Variants in KHDRBS2 observed in about 807,000 individuals in gnomAD.
The protein encoded by KHDRBS2 is KH RNA binding domain containing, signal transduction associated 2.
A neutral mutation model predicts 44.3 loss-of-function variants in KHDRBS2; 26 were observed. The observed-to-expected ratio is 0.59, with a 90% CI of 0.43 to 0.81. The LOEUF is 0.81. KHDRBS2 is among the 40% of genes least tolerant of loss of function. KHDRBS2 has a pLI of 0.00. For missense variants in KHDRBS2, 476 were observed against 433.1 expected (o/e 1.10, Z -0.88); for synonymous variants, 194 against 151.1 (o/e 1.28, Z -2.08).
At chr6:61,894,497 T>C in intron 6 of KHDRBS2, 138 bp downstream of exon 6, 1 of 683,972 alleles carries the variant, frequency 1.5e-6, no homozygotes, top group Non-Finnish European at 2.4e-6. Flanking sequence ...ATGCACTGCT[T>C]AAATTCTGTT....
chr6:61,605,354 G>C, the KHDRBS2 span, among the ~76,000 whole-genome samples: 1 of 152,136 alleles, frequency 6.6e-6, no homozygotes, highest in African/African-American at 2.4e-5. Context: ...CCAAGCCATA[G>C]CTTAGTACCA....
At chr6:61,908,219 G>A (rs902757009) in intron 4 of KHDRBS2, among the ~76,000 whole-genome samples, 17 of 152,080 alleles carry the variant, frequency 1.1e-4, no homozygotes, top group Admixed American at 1.1e-3. Flanking sequence ...GTTAGAGATA[G>A]ACAAATATTT....
At position 61,716,012 on chromosome 6, in the gene KHDRBS2, T is replaced by A. The variant is rs554428033; in HGVS notation, c.893+16670A>T. On this transcript the variant is annotated intron_variant, in intron 7 of 8. Coordinates refer to ENST00000281156, the MANE Select transcript of KHDRBS2 (RefSeq NM_152688.4). ...TTTTTTCCATTCTCGAACCATGCTG[T>A]CACCCACTGACAGGTAAAGACTATT... Among the ~76,000 whole-genome samples, 6 of 151,532 alleles carry A rather than the reference T, an allele frequency of 4.0e-5. No homozygotes were observed. The East Asian group carries it at 9.7e-4, about 25-fold the overall frequency.
At chr6:61,830,367 A>T (rs80219091) in intron 6 of KHDRBS2, among the ~76,000 whole-genome samples, 4,265 of 152,270 alleles carry the variant, frequency 0.028, 195 homozygotes, top group African/African-American at 0.097. Context: ...GTCTTCTCTG[A>T]TACCTATCTA....
intron 6 of KHDRBS2, among the ~76,000 whole-genome samples, chr6:61,838,797 C>G (rs1039381187): frequency 6.6e-6 from 1 of 152,018 alleles, no homozygotes; most frequent in African/African-American, 2.4e-5. Context: ...ACTTGCTTAC[C>G]TTCAATTCAC....
At chr6:61,582,052 C>G in the KHDRBS2 span, among the ~76,000 whole-genome samples, 1 of 151,694 alleles carries the variant, frequency 6.6e-6, no homozygotes, top group Non-Finnish European at 1.5e-5. Flanking sequence ...ATTACAACTT[C>G]TAATTATTTA....
intron 6 of KHDRBS2, among the ~76,000 whole-genome samples, chr6:61,815,268 T>A (rs193123174): frequency 6.6e-6 from 1 of 151,814 alleles, no homozygotes; most frequent in Admixed American, 6.6e-5. Flanking sequence ...AGGAACAGAG[T>A]GGGAAGGAAT....
At chr6:61,642,754 T>A in the KHDRBS2 span, among the ~76,000 whole-genome samples, 1 of 152,076 alleles carries the variant, frequency 6.6e-6, no homozygotes, top group African/African-American at 2.4e-5. Context: ...TGTGCCTACA[T>A]AAATAATGCC....
At chr6:61,797,761 G>A (rs200757084) in intron 6 of KHDRBS2, among the ~76,000 whole-genome samples, 36 of 140,712 alleles carry the variant, frequency 2.6e-4, no homozygotes, top group Non-Finnish European at 4.1e-4. Context: ...GTGTGTGTGT[G>A]TGTATGTATA....
chr6:62,117,490 G>A (rs570028451), intron 2 of KHDRBS2, among the ~76,000 whole-genome samples: 59 of 152,150 alleles, frequency 3.9e-4, no homozygotes, highest in Admixed American at 1.1e-3. Context: ...AGTTCCTTAA[G>A]TATTTTGGTT....
At chr6:61,868,733 C>G (rs930206077) in intron 6 of KHDRBS2, among the ~76,000 whole-genome samples, 2 of 152,202 alleles carry the variant, frequency 1.3e-5, no homozygotes, top group African/African-American at 4.8e-5. Flanking sequence ...CCACCCCTCC[C>G]CCACCAAGGA....
intron 6 of KHDRBS2, among the ~76,000 whole-genome samples, chr6:61,743,306 C>T (rs1484545503): frequency 6.6e-6 from 1 of 152,064 alleles, no homozygotes; most frequent in Non-Finnish European, 1.5e-5. Flanking sequence ...TATCTTTACA[C>T]CTACTTAACA....
At chr6:61,629,271 T>TAATAATA in the KHDRBS2 span, among the ~76,000 whole-genome samples, 1 of 152,202 alleles carries the variant, frequency 6.6e-6, no homozygotes, top group African/African-American at 2.4e-5. Flanking sequence ...CACCTTTAAG[T>TAATAATA]ATAATAAGGT....
chr6:61,572,395 A>C, the KHDRBS2 span, among the ~76,000 whole-genome samples: 1 of 152,180 alleles, frequency 6.6e-6, no homozygotes, highest in African/African-American at 2.4e-5. Context: ...GAGACATTCA[A>C]AGAAGAATCA....
chr6:61,574,505 G>A, the KHDRBS2 span: 6 of 966,922 alleles, frequency 6.2e-6, no homozygotes, highest in South Asian at 3.5e-5. Flanking sequence ...TAAAAATTTC[G>A]GCTGGGGCGA....
At chr6:62,253,804 G>C (rs773602686) in intron 1 of KHDRBS2, among the ~76,000 whole-genome samples, 3 of 151,874 alleles carry the variant, frequency 2.0e-5, no homozygotes, top group Middle Eastern at 3.2e-3. Flanking sequence ...TAAATTACTT[G>C]AATGTTGAAC....
At chr6:61,876,094 G>A (rs2127310221) in intron 6 of KHDRBS2, among the ~76,000 whole-genome samples, 1 of 152,042 alleles carries the variant, frequency 6.6e-6, no homozygotes, top group South Asian at 2.1e-4. Context: ...TAAAAGATTA[G>A]GTTTTGCAGC....
chr6:62,004,579 G>A (rs989129153), intron 3 of KHDRBS2, among the ~76,000 whole-genome samples: 1 of 151,842 alleles, frequency 6.6e-6, no homozygotes, highest in Non-Finnish European at 1.5e-5. Context: ...TCTACCAGAG[G>A]TACAAAGAGG....
intron 6 of KHDRBS2, among the ~76,000 whole-genome samples, chr6:61,805,137 A>G (rs778308462): frequency 6.6e-6 from 1 of 152,164 alleles, no homozygotes; most frequent in Non-Finnish European, 1.5e-5. Context: ...CCCAGGTCAC[A>G]TCCTGAATGC....
Sources: gnomAD v4.1 joint callset for allele counts (sites outside exome capture counted in the v4.1 genomes callset) on GRCh38, gnomAD v4.1.1 for gene constraint, MANE v1.5 for transcripts, NCBI Gene and HGNC (gene_info 2026-07-23, HGNC 2026-07-21) for gene names.